The following G3BP2 variants were observed in gnomAD, a reference collection of about 807,000 sequenced individuals.
G3BP2 encodes G3BP stress granule assembly factor 2, also known as ras GTPase-activating protein-binding protein 2.
Under a neutral mutation model 56.7 loss-of-function variants are expected in G3BP2, and 11 were observed. The ratio of observed to expected loss-of-function variants is 0.19; its 90% confidence interval spans 0.12 to 0.32. The LOEUF (loss-of-function observed/expected upper bound fraction) is 0.32. Among genes scored for constraint, G3BP2 ranks in the 10% least tolerant of loss-of-function variants. The probability of loss-of-function intolerance (pLI) is 1.00; values close to 1 mark genes in which losing one functional copy is unlikely to be tolerated. For synonymous variants in G3BP2, 165 were observed against 191.6 expected (o/e 0.86, Z 1.15); for missense variants, 340 against 610.9 (o/e 0.56, Z 4.67).
At chr4:75,655,044 C>G (rs1389517941) in intron 7 of G3BP2, 22 bp downstream of exon 7, 2 of 1,562,400 alleles carry the variant, frequency 1.3e-6, no homozygotes, top group Non-Finnish European at 1.7e-6. Context: ...TGTTGTAAGT[C>G]TAAAGAGTTC....
At chr4:75,650,482 T>A (rs1731605808) in intron 8 of G3BP2, among the ~76,000 whole-genome samples, 1 of 151,236 alleles carries the variant, frequency 6.6e-6, no homozygotes, top group South Asian at 2.1e-4. Context: ...GTAAATGATT[T>A]CAGCCACTGT....
At chr4:75,668,951 A>G (rs1459478502) in intron 1 of G3BP2, among the ~76,000 whole-genome samples, 1 of 152,128 alleles carries the variant, frequency 6.6e-6, no homozygotes, top group African/African-American at 2.4e-5. Flanking sequence ...CCCCTCTCAA[A>G]TATTATAACT....
chr4:75,682,401 C>T (rs949078490), intron 3 of G3BP2, among the ~76,000 whole-genome samples: 64 of 137,172 alleles, frequency 4.7e-4, no homozygotes, highest in Non-Finnish European at 3.2e-4. Context: ...TGTGACAGAG[C>T]GAGACTCCGT....
upstream of G3BP2, among the ~76,000 whole-genome samples, chr4:75,675,531 G>A (rs532939797): frequency 2.1e-4 from 32 of 152,188 alleles, no homozygotes; most frequent in Non-Finnish European, 3.4e-4. Flanking sequence ...GGCAGCTCAC[G>A]ACTGTAATCC....
chr4:75,682,982 CAA>C (rs36085589), intron 3 of G3BP2, among the ~76,000 whole-genome samples: 13 of 126,136 alleles, frequency 1.0e-4, no homozygotes, highest in South Asian at 2.4e-4. Context: ...GACTCCGTCT[CAA>C]AAAAAAAAAA....
At chr4:75,652,465 T>C (rs1340017655) in intron 8 of G3BP2, among the ~76,000 whole-genome samples, 1 of 152,102 alleles carries the variant, frequency 6.6e-6, no homozygotes, top group Non-Finnish European at 1.5e-5. Context: ...CTACTAAATA[T>C]ACAAAAATTA....
chr4:75,695,288 G>A (rs892984449), intron 3 of G3BP2, among the ~76,000 whole-genome samples: 2 of 152,120 alleles, frequency 1.3e-5, no homozygotes, highest in African/African-American at 2.4e-5. Flanking sequence ...CCTGATTTGC[G>A]GCAATCAGAC....
At chr4:75,660,455 C>T (rs571800012) in intron 2 of G3BP2, among the ~76,000 whole-genome samples, 2 of 152,246 alleles carry the variant, frequency 1.3e-5, no homozygotes, top group South Asian at 4.1e-4. Flanking sequence ...CTATGGTTAG[C>T]TTGTTTACTT....
rs186723220 is a variant in G3BP2, at chr4:75,650,367, G to A, written c.826-1626C>T. Among the ~76,000 whole-genome samples, 67 of 141,352 alleles carry A rather than the reference G, an allele frequency of 4.7e-4. No homozygotes were observed. The East Asian group carries it at 0.012, about 26-fold the overall frequency. 92.7% of individuals were successfully genotyped at this position (141,352 alleles called of 152,430 possible). A position where few individuals can be genotyped will look rare whatever the true frequency, so the allele number is the denominator to read the frequency against. On this transcript the variant is annotated intron_variant, in intron 8 of 11. Coordinates refer to ENST00000359707, the MANE Select transcript of G3BP2 (RefSeq NM_203505.3). ...GAGAATCACTTGAACCTGGGAGGCG[G>A]AGGTTGCGTGAGCAGATCATTGTAC...
At chr4:75,662,664 TTCTC>T (rs1387706101) in intron 1 of G3BP2, 2 of 152,238 alleles carry the variant, frequency 1.3e-5, no homozygotes, top group East Asian at 1.9e-4. Context: ...GTGTCTCCCT[TTCTC>T]TCTCTTTCTT....
intron 2 of G3BP2, among the ~76,000 whole-genome samples, chr4:75,659,993 C>G (rs1326578212): frequency 6.6e-6 from 1 of 152,176 alleles, no homozygotes; most frequent in Non-Finnish European, 1.5e-5. Flanking sequence ...AAATAACTAA[C>G]TAGCAACGTG....
In G3BP2 at chr4:75,642,798, C is replaced by T. The variant is rs1730943237; in HGVS notation, c.*2632G>A. The T allele has an allele frequency of 1.3e-5, 2 of 152,562 alleles. No individual in the cohort carries two copies. Among genetic ancestry groups the T allele is most frequent in the Admixed American group, 6.5e-5 (1 of 15,280 alleles). The allele number at this position is 152,562 out of a possible 1,614,324, so 9.5% of individuals were successfully genotyped here. A position where few individuals can be genotyped will look rare whatever the true frequency, so the allele number is the denominator to read the frequency against. Reference sequence around the variant, plus strand: ...GGACATAGATAAATGCTGCAGACATCAGTAGTTTATTGTTTGTTTAGTCCA... The same window carrying T: ...GGACATAGATAAATGCTGCAGACATTAGTAGTTTATTGTTTGTTTAGTCCA... On this transcript the variant is annotated 3_prime_UTR_variant, in exon 12 of 12. Coordinates refer to ENST00000359707, the MANE Select transcript of G3BP2 (RefSeq NM_203505.3).
intron 3 of G3BP2, among the ~76,000 whole-genome samples, chr4:75,710,585 T>C (rs939087467): frequency 2.0e-5 from 3 of 152,210 alleles, no homozygotes; most frequent in African/African-American, 4.8e-5. Flanking sequence ...CCCAGTGGCA[T>C]AGTAGCTGCT....
intron 3 of G3BP2, among the ~76,000 whole-genome samples, chr4:75,706,003 TTATA>T (rs200605136): frequency 1.3e-5 from 2 of 152,102 alleles, no homozygotes; most frequent in African/African-American, 2.4e-5. Context: ...ACACATAACA[TTATA>T]TATGTCTCCA....
intron 3 of G3BP2, among the ~76,000 whole-genome samples, chr4:75,694,403 C>T (rs1447645018): frequency 6.6e-6 from 1 of 152,194 alleles, no homozygotes; most frequent in Admixed American, 6.5e-5. Context: ...AGATTGAGAC[C>T]ATCCTGGCTA....
intron 9 of G3BP2, among the ~76,000 whole-genome samples, chr4:75,647,611 G>T (rs896924570): frequency 6.6e-6 from 1 of 151,430 alleles, no homozygotes; most frequent in Non-Finnish European, 1.5e-5. Context: ...TACATATTAA[G>T]TGTGTATGTA....
chr4:75,716,061 C>A (rs1719915894), intron 3 of G3BP2, among the ~76,000 whole-genome samples: 1 of 152,150 alleles, frequency 6.6e-6, no homozygotes. Flanking sequence ...GGACTAGGGT[C>A]TAGGTCACTT....
At chr4:75,691,477 G>A (rs932319738) in intron 3 of G3BP2, among the ~76,000 whole-genome samples, 2 of 152,146 alleles carry the variant, frequency 1.3e-5, no homozygotes, top group Non-Finnish European at 2.9e-5. Flanking sequence ...CCAAAGTACT[G>A]GGATTACAGG....
At chr4:75,691,430 A>C (rs1251459747) in intron 3 of G3BP2, among the ~76,000 whole-genome samples, 1 of 152,012 alleles carries the variant, frequency 6.6e-6, no homozygotes, top group Non-Finnish European at 1.5e-5. Flanking sequence ...ACTGGTTTCA[A>C]ACTCCTGGCC....
Sources: allele counts gnomAD v4.1 joint callset (sites outside exome capture counted in the v4.1 genomes callset), GRCh38; gene constraint gnomAD v4.1.1; transcripts MANE v1.5; gene names NCBI Gene and HGNC (gene_info 2026-07-23, HGNC 2026-07-21).